The following FSTL5 variants were observed in gnomAD, a reference collection of about 807,000 sequenced individuals.
FSTL5 encodes follistatin-related protein 5.
Under a neutral mutation model 89.1 loss-of-function variants are expected in FSTL5, and 62 were observed. That is an observed-to-expected ratio of 0.70 (90% CI 0.57 to 0.86). FSTL5 has a LOEUF of 0.86. FSTL5 is among the 40% of genes least tolerant of loss of function. The probability of loss-of-function intolerance (pLI) is 0.00; values close to 1 mark genes in which losing one functional copy is unlikely to be tolerated. For missense variants in FSTL5, 1,057 were observed against 1,001.6 expected (o/e 1.06, Z -0.75); for synonymous variants, 383 against 346.2 (o/e 1.11, Z -1.18).
intron 6 of FSTL5, among the ~76,000 whole-genome samples, chr4:161,688,161 C>T (rs1028102211): frequency 1.3e-5 from 2 of 152,214 alleles, no homozygotes; most frequent in Admixed American, 6.5e-5. Flanking sequence ...CTGCTCTCTG[C>T]AACCTATAGC....
chr4:161,809,678 T>C (rs1317027022), intron 4 of FSTL5, among the ~76,000 whole-genome samples: 1 of 152,230 alleles, frequency 6.6e-6, no homozygotes, highest in Non-Finnish European at 1.5e-5. Context: ...TGACATACGC[T>C]ACAGCGTGGA....
At chr4:161,610,768 G>T (rs1428335568) in intron 7 of FSTL5, among the ~76,000 whole-genome samples, 1 of 119,334 alleles carries the variant, frequency 8.4e-6, no homozygotes, top group African/African-American at 3.3e-5. Flanking sequence ...TACTTAAATA[G>T]ATTTCCTCTA....
intron 2 of FSTL5, chr4:162,041,871 C>T (rs567503983): frequency 1.3e-5 from 2 of 152,188 alleles, no homozygotes; most frequent in South Asian, 2.1e-4. Flanking sequence ...ATGAAGCAGG[C>T]CTGGCACGGT....
intron 5 of FSTL5, among the ~76,000 whole-genome samples, chr4:161,760,188 A>G: frequency 6.6e-6 from 1 of 152,330 alleles, no homozygotes; most frequent in Middle Eastern, 3.4e-3. Context: ...TCAAACTTCT[A>G]TTCTAGTCTG....
chr4:161,769,228 C>T (rs1741124343), intron 5 of FSTL5, among the ~76,000 whole-genome samples: 1 of 151,784 alleles, frequency 6.6e-6, no homozygotes, highest in Non-Finnish European at 1.5e-5. Flanking sequence ...AAGACTGGGA[C>T]CCAAGCTTCT....
chr4:161,740,549 A>G (rs1739984997), intron 6 of FSTL5, among the ~76,000 whole-genome samples: 1 of 152,186 alleles, frequency 6.6e-6, no homozygotes, highest in Non-Finnish European at 1.5e-5. Context: ...AGTGAGAAGC[A>G]TAGTTGAGAC....
intron 8 of FSTL5, among the ~76,000 whole-genome samples, chr4:161,579,576 G>T (rs1199192820): frequency 6.6e-6 from 1 of 151,948 alleles, no homozygotes; most frequent in East Asian, 1.9e-4. Flanking sequence ...AATTAGCTGG[G>T]CATGGTGGCA....
intron 15 of FSTL5, among the ~76,000 whole-genome samples, chr4:161,438,722 A>G (rs1732657818): frequency 6.6e-6 from 1 of 152,198 alleles, no homozygotes; most frequent in South Asian, 2.1e-4. Flanking sequence ...TTGATGAATC[A>G]AATGTAATGA....
intron 7 of FSTL5, among the ~76,000 whole-genome samples, chr4:161,634,295 A>G (rs2126659430): frequency 6.6e-6 from 1 of 152,348 alleles, no homozygotes; most frequent in Admixed American, 6.5e-5. Context: ...GACATTATTT[A>G]GAGCTGTTGA....
intron 12 of FSTL5, among the ~76,000 whole-genome samples, chr4:161,486,711 T>C (rs1184782443): frequency 6.6e-6 from 1 of 152,146 alleles, no homozygotes; most frequent in Non-Finnish European, 1.5e-5. Flanking sequence ...ATGTATAAGA[T>C]TGCATCATAG....
chr4:161,912,399 T>C (rs1733719474), intron 4 of FSTL5, among the ~76,000 whole-genome samples: 2 of 152,098 alleles, frequency 1.3e-5, no homozygotes, highest in African/African-American at 4.8e-5. Flanking sequence ...CAGGAGGTAA[T>C]TGAATCATGG....
chr4:161,495,079 A>G (rs1173334091), intron 12 of FSTL5: 1 of 152,212 alleles, frequency 6.6e-6, no homozygotes, highest in Non-Finnish European at 1.5e-5. Flanking sequence ...CAAAACAACA[A>G]CAACAACAAC....
At chr4:161,403,574 A>C (rs899593344) in intron 15 of FSTL5, among the ~76,000 whole-genome samples, 3 of 152,286 alleles carry the variant, frequency 2.0e-5, no homozygotes, top group Middle Eastern at 3.4e-3. Flanking sequence ...CTTTTATAAG[A>C]AAAATAATTC....
chr4:161,715,067 G>A (rs757704500), intron 6 of FSTL5, among the ~76,000 whole-genome samples: 18 of 152,022 alleles, frequency 1.2e-4, no homozygotes, highest in Non-Finnish European at 2.5e-4. Context: ...AATAATAGGA[G>A]CTACATTATG....
intron 3 of FSTL5, among the ~76,000 whole-genome samples, chr4:161,984,646 C>A (rs1735912894): frequency 6.6e-6 from 1 of 152,170 alleles, no homozygotes; most frequent in Non-Finnish European, 1.5e-5. Flanking sequence ...CCTTAGCCTC[C>A]CCAGTAGAGT....
At chr4:162,062,276 T>C (rs544067613) in intron 2 of FSTL5, among the ~76,000 whole-genome samples, 3 of 152,092 alleles carry the variant, frequency 2.0e-5, no homozygotes, top group Middle Eastern at 3.4e-3. Context: ...AAATAGCAGT[T>C]GAATAGTGTT....
intron 3 of FSTL5, among the ~76,000 whole-genome samples, chr4:161,933,712 C>T (rs1049255786): frequency 2.0e-5 from 3 of 151,600 alleles, no homozygotes; most frequent in Non-Finnish European, 2.9e-5. Flanking sequence ...CTCAACTCGT[C>T]TATCATTTTT....
chr4:162,121,492 C>T (rs1407984363), intron 1 of FSTL5, among the ~76,000 whole-genome samples: 1 of 151,962 alleles, frequency 6.6e-6, no homozygotes, highest in Non-Finnish European at 1.5e-5. Context: ...AACTAAAAAA[C>T]ATATTGTCTG....
At chr4:162,111,702 G>C (rs970762749) in intron 1 of FSTL5, among the ~76,000 whole-genome samples, 6 of 151,968 alleles carry the variant, frequency 3.9e-5, no homozygotes, top group African/African-American at 1.4e-4. Context: ...TGAAAGAAAA[G>C]GGGAAAATAG....
Sources: gnomAD v4.1 joint callset for allele counts (sites outside exome capture counted in the v4.1 genomes callset) on GRCh38, gnomAD v4.1.1 for gene constraint, MANE v1.5 for transcripts, NCBI Gene and HGNC (gene_info 2026-07-23, HGNC 2026-07-21) for gene names.